PREX1: variants seen among roughly 807,000 people sequenced by gnomAD.
PREX1 encodes phosphatidylinositol-3,4,5-trisphosphate dependent Rac exchange factor 1.
In PREX1, 41 loss-of-function variants were observed where a neutral mutation model predicts 198.3. The ratio of observed to expected loss-of-function variants is 0.21; its 90% CI spans 0.16 to 0.27. The LOEUF (loss-of-function observed/expected upper bound fraction) is 0.27. Among genes scored for constraint, PREX1 ranks in the 10% least tolerant of loss-of-function variants. The pLI is 1.00. For synonymous variants in PREX1, 843 were observed against 887.2 expected (o/e 0.95, Z 0.89); for missense variants, 1,620 against 2,200.7 (o/e 0.74, Z 5.28).
Position 48,628,057 on chromosome 20 carries a change from G to A in PREX1, c.4767-94C>T, listed in dbSNP as rs545419929. ...TCAGAGGACAGTGGGTGAGAGCTGGGGCAACTTCCTGTCCCTCCGAGGCCT... is the reference window on the plus strand; with the variant it reads ...TCAGAGGACAGTGGGTGAGAGCTGGAGCAACTTCCTGTCCCTCCGAGGCCT... On this transcript the variant is annotated intron_variant, in intron 37 of 39. Transcript: ENST00000371941. The A allele has an allele frequency of 1.6e-5, 14 of 883,660 alleles. No homozygotes were observed. The African/African-American group carries it at 2.3e-4, about 15-fold the overall frequency. 54.7% of individuals were successfully genotyped at this position (883,660 alleles called of 1,614,324 possible). A position where few individuals can be genotyped will look rare whatever the true frequency, so the allele number is the denominator to read the frequency against.
At chr20:48,652,494 A>G (rs1601046400) in intron 21 of PREX1, 92 bp downstream of exon 21, 4 of 1,397,772 alleles carry the variant, frequency 2.9e-6, no homozygotes. Context: ...GGCTGGGAGG[A>G]GGGGAGGGGA....
the PREX1 span, among the ~76,000 whole-genome samples, chr20:48,864,474 T>C: frequency 3.7e-3 from 560 of 152,352 alleles, 3 homozygotes; most frequent in African/African-American, 0.01. Context: ...CTTTGTGTAC[T>C]TTATGACATT....
At chr20:48,628,860 G>A (rs1454801483) in intron 37 of PREX1, among the ~76,000 whole-genome samples, 1 of 152,210 alleles carries the variant, frequency 6.6e-6, no homozygotes, top group East Asian at 1.9e-4. Context: ...CTGGGGAACA[G>A]CAGAGAACAA....
At chr20:48,729,113 T>G (rs1422645764) in intron 4 of PREX1, among the ~76,000 whole-genome samples, 2 of 152,044 alleles carry the variant, frequency 1.3e-5, no homozygotes, top group African/African-American at 2.4e-5. Flanking sequence ...AATCTCATTC[T>G]GTCGCCCAGG....
In PREX1 at chr20:48,726,332, C is replaced by A; in HGVS notation, c.579G>T (p.Leu193Phe). The change falls in exon 5 of 40, where the codon TTG becomes TTT. Residue 193 changes from leucine (L) to phenylalanine (F), a missense_variant. Leu to Phe is a conservative substitution (Grantham distance 22, BLOSUM62 0). Coordinates refer to ENST00000371941, the MANE Select transcript of PREX1 (RefSeq NM_020820.4). ...ACTTGCAGATCCTCTGGATCGGAGA[C>A]AACAGGTAGCCTTCCAAAGGGATGT... Reference protein sequence around the residue: ...TTDIPLEGYLLSPIQRICKYP... With the variant: ...TTDIPLEGYLFSPIQRICKYP... 6.2e-7 allele frequency: 1 copy of A among 1,613,998 alleles called. No homozygotes were observed. Among genetic ancestry groups the A allele is most frequent in the Non-Finnish European group, 8.5e-7 (1 of 1,179,980 alleles).
the PREX1 span, among the ~76,000 whole-genome samples, chr20:48,884,137 TAAAAAAA>T: frequency 8.4e-6 from 1 of 118,934 alleles, no homozygotes; most frequent in Non-Finnish European, 1.7e-5. Context: ...AAACTCCGTC[TAAAAAAA>T]AAAAAAAAAA....
intron 7 of PREX1, among the ~76,000 whole-genome samples, chr20:48,696,606 C>CACACACATACAT (rs1555836165): frequency 7.0e-6 from 1 of 142,812 alleles, no homozygotes; most frequent in African/African-American, 2.5e-5. Context: ...TACACACACA[C>CACACACATACAT]ACATACATAC....
intron 1 of PREX1, among the ~76,000 whole-genome samples, chr20:48,785,602 C>T (rs1286198639): frequency 6.6e-6 from 1 of 152,220 alleles, no homozygotes; most frequent in Non-Finnish European, 1.5e-5. Context: ...GGCCTCATCG[C>T]TGATGTTCGG....
the PREX1 span, among the ~76,000 whole-genome samples, chr20:48,840,591 A>T: frequency 6.6e-6 from 1 of 152,206 alleles, no homozygotes; most frequent in African/African-American, 2.4e-5. Flanking sequence ...CAGTGACAGC[A>T]GAGATGTTCA....
At chr20:48,735,428 C>T (rs184229054) in intron 3 of PREX1, among the ~76,000 whole-genome samples, 17 of 152,202 alleles carry the variant, frequency 1.1e-4, no homozygotes, top group Admixed American at 1.0e-3. Context: ...TGGGAGGCTG[C>T]AGGAAATAGG....
intron 1 of PREX1, among the ~76,000 whole-genome samples, chr20:48,817,098 T>C (rs2090462784): frequency 6.6e-6 from 1 of 152,212 alleles, no homozygotes; most frequent in Non-Finnish European, 1.5e-5. Context: ...AAGCAGCGTG[T>C]TCTGTGCCCT....
Position 48,666,619 on chromosome 20 carries a change from G to A in PREX1, c.1666-264C>T, listed in dbSNP as rs2089642610. Among the ~76,000 whole-genome samples the A allele has an allele frequency of 6.6e-6, 1 of 152,158 alleles. No homozygotes were observed. The highest frequency in any genetic ancestry group is 2.1e-4 in the South Asian group (1 of 4,828). On this transcript the variant is annotated intron_variant, in intron 14 of 39. Transcript: ENST00000371941. This position sits in a 1 kb window ranked among gnomAD's most constrained non-coding sequence, Gnocchi z 4.3. ...CGGCTTACTGCAAGCTCCACCTCCT[G>A]GGTTCAAGCCATTCTCCTGCCTCAG...
intron 1 of PREX1, among the ~76,000 whole-genome samples, chr20:48,825,866 C>G (rs537177746): frequency 5.2e-5 from 6 of 116,064 alleles, no homozygotes; most frequent in South Asian, 3.3e-4. Flanking sequence ...CCCCACCCCC[C>G]ACCCCCGAAA....
At chr20:48,653,620 C>G (rs2089518962) in intron 19 of PREX1, 123 bp from the exon 20 acceptor site, 8 of 1,267,586 alleles carry the variant, frequency 6.3e-6, no homozygotes, top group Non-Finnish European at 7.6e-6. Context: ...CTCCACCCCT[C>G]CCACCCCAGA....
chr20:48,738,097 C>G (rs2090064915), intron 3 of PREX1, among the ~76,000 whole-genome samples: 1 of 152,260 alleles, frequency 6.6e-6, no homozygotes, highest in African/African-American at 2.4e-5. Flanking sequence ...CTGTCCATCT[C>G]CACAGAGATG....
chr20:48,723,699 C>T (rs376072006), intron 5 of PREX1, among the ~76,000 whole-genome samples: 28 of 152,334 alleles, frequency 1.8e-4, no homozygotes, highest in African/African-American at 6.5e-4. Flanking sequence ...ATTTCCTCCA[C>T]GGGTCGCCGG....
intron 1 of PREX1, among the ~76,000 whole-genome samples, chr20:48,762,836 G>A (rs1349534412): frequency 6.6e-6 from 1 of 151,850 alleles, no homozygotes; most frequent in Non-Finnish European, 1.5e-5. Context: ...CCAAGTAGCT[G>A]GGATTACAGG....
At chr20:48,715,697 T>C (rs1232723117) in intron 5 of PREX1, among the ~76,000 whole-genome samples, 2 of 152,220 alleles carry the variant, frequency 1.3e-5, no homozygotes, top group Non-Finnish European at 2.9e-5. Flanking sequence ...ATTATGTCTG[T>C]GGTAATAGTG....
chr20:48,627,782 C>G (rs568226257), intron 38 of PREX1, 79 bp downstream of exon 38: 22 of 1,454,552 alleles, frequency 1.5e-5, no homozygotes, highest in African/African-American at 1.3e-4. Flanking sequence ...GGCTACCAGC[C>G]CCTCATCCCA....
Sources: gnomAD v4.1 joint callset for allele counts (sites outside exome capture counted in the v4.1 genomes callset) on GRCh38, gnomAD v4.1.1 for gene constraint, Gnocchi (gnomAD v3.1) non-coding constraint, MANE v1.5 for transcripts, NCBI Gene and HGNC (gene_info 2026-07-23, HGNC 2026-07-21) for gene names.